The following ANKDD1B variants were observed in gnomAD, a reference collection of about 807,000 sequenced individuals.
ANKDD1B encodes ankyrin repeat and death domain containing 1B.
A neutral mutation model predicts 59.7 loss-of-function variants in ANKDD1B; 57 were observed. That is an observed-to-expected ratio of 0.95 (90% confidence interval 0.77 to 1.19). The LOEUF (loss-of-function observed/expected upper bound fraction) is 1.19. Among genes scored for constraint, ANKDD1B ranks in the 50% most tolerant of loss-of-function variants. The probability of loss-of-function intolerance (pLI) is 0.00; values close to 1 mark genes in which losing one functional copy is unlikely to be tolerated. For missense variants in ANKDD1B, 602 were observed against 641.9 expected (o/e 0.94, Z 0.67); for synonymous variants, 216 against 239.5 (o/e 0.90, Z 0.91).
At chr5:75,647,038 G>T in intron 7 of ANKDD1B, among the ~76,000 whole-genome samples, 1 of 24,236 alleles carries the variant, frequency 4.1e-5, no homozygotes, top group South Asian at 1.3e-3. Context: ...TGGGAAAACT[G>T]GCTAGCCATA....
intron 7 of ANKDD1B, among the ~76,000 whole-genome samples, chr5:75,641,024 A>G (rs1025727560): frequency 6.6e-6 from 1 of 152,198 alleles, no homozygotes. Flanking sequence ...CTTGGCTTAT[A>G]CAGAGAAGAC....
chr5:75,641,794 G>A (rs542762377), intron 7 of ANKDD1B, among the ~76,000 whole-genome samples: 5 of 152,194 alleles, frequency 3.3e-5, no homozygotes, highest in Admixed American at 6.5e-5. Flanking sequence ...ATAATCTTTC[G>A]AAAAGCAATT....
In ANKDD1B at chr5:75,629,755, G is replaced by C. The variant is rs1774099298; in HGVS notation, c.600+3800G>C. The stretch of plus-strand genomic sequence containing the variant: ...TTTGAGAACTAGCCTGGGAAGCATG[G>C]TGAAAACCTGCCTTTACAAAAAATA... On this transcript the variant is annotated intron_variant, in intron 5 of 13. Coordinates refer to ENST00000601380, the MANE Select transcript of ANKDD1B (RefSeq NM_001276713.2). Among the ~76,000 whole-genome samples, 3 of 151,870 alleles carry C rather than the reference G, an allele frequency of 2.0e-5. No individual in the cohort carries two copies. In the South Asian group the frequency reaches 6.2e-4, roughly 32 times the overall value.
intron 7 of ANKDD1B, among the ~76,000 whole-genome samples, chr5:75,649,940 C>A (rs1195578156): frequency 6.6e-6 from 1 of 152,162 alleles, no homozygotes; most frequent in Non-Finnish European, 1.5e-5. Context: ...CCAACATATC[C>A]CTCCACTATC....
chr5:75,618,040 C>T (rs909798826), intron 2 of ANKDD1B, among the ~76,000 whole-genome samples: 1 of 151,194 alleles, frequency 6.6e-6, no homozygotes, highest in Non-Finnish European at 1.5e-5. Context: ...ATATAGTGCT[C>T]ATGTTCCATA....
intron 10 of ANKDD1B, 121 bp downstream of exon 10, chr5:75,659,502 C>T (rs1474111337): frequency 4.4e-5 from 32 of 733,480 alleles, no homozygotes; most frequent in Non-Finnish European, 7.0e-6. Flanking sequence ...CTGGAGAAAC[C>T]ATGCATCTTC....
intron 7 of ANKDD1B, among the ~76,000 whole-genome samples, chr5:75,645,313 G>A (rs1232574379): frequency 9.2e-6 from 1 of 109,174 alleles, no homozygotes; most frequent in Non-Finnish European, 1.7e-5. Context: ...TCCAGGAGCT[G>A]GTTTTTTGAA....
intron 3 of ANKDD1B, 74 bp downstream of exon 3, chr5:75,620,487 A>T: frequency 2.5e-6 from 2 of 806,236 alleles, no homozygotes; most frequent in Non-Finnish European, 3.9e-6. Context: ...CCAGTTAGAC[A>T]TCTTTTCTTC....
At chr5:75,658,419 C>T (rs895671239) in intron 9 of ANKDD1B, among the ~76,000 whole-genome samples, 2 of 152,072 alleles carry the variant, frequency 1.3e-5, no homozygotes, top group Admixed American at 1.3e-4. Context: ...CATCTGCATT[C>T]CTTTTGGTGA....
chr5:75,635,747 C>A, intron 6 of ANKDD1B, 37 bp from the exon 7 acceptor site: 1 of 1,350,330 alleles, frequency 7.4e-7, no homozygotes, highest in Non-Finnish European at 1.0e-6. Context: ...GCTCTCCTGG[C>A]ACAGGGGTTT....
chr5:75,668,574 A>G (rs75620057), intron 12 of ANKDD1B, among the ~76,000 whole-genome samples: 8 of 152,300 alleles, frequency 5.3e-5, no homozygotes, highest in African/African-American at 1.7e-4. Flanking sequence ...CTTGCACAGC[A>G]TGTCTGCTCC....
intron 5 of ANKDD1B, 31 bp downstream of exon 5, chr5:75,625,986 A>T: frequency 7.2e-7 from 1 of 1,395,510 alleles, no homozygotes; most frequent in South Asian, 1.2e-5. Flanking sequence ...TAGGTCTTGC[A>T]TACACCCCTA....
rs184912404 is a variant in ANKDD1B at position 75,671,141 on chromosome 5, G to C, written c.*101G>C. On this transcript the variant is annotated 3_prime_UTR_variant, in exon 14 of 14. Coordinates refer to ENST00000601380, the MANE Select transcript of ANKDD1B (RefSeq NM_001276713.2). The stretch of plus-strand genomic sequence containing the variant: ...AGTAGCACTGATTTTCAACTATGAT[G>C]ATGGTGGTGACAGGGAACTCTAACA... The C allele has an allele frequency of 2.2e-6, 1 of 457,372 alleles. No homozygotes were observed. Among genetic ancestry groups the C allele is most frequent in the Non-Finnish European group, 3.5e-6 (1 of 281,846 alleles). 28.3% of individuals were successfully genotyped at this position (457,372 alleles called of 1,614,324 possible).
At chr5:75,669,181 G>C in intron 12 of ANKDD1B, 71 bp from the exon 13 acceptor site, 1 of 1,223,750 alleles carries the variant, frequency 8.2e-7, no homozygotes, top group Non-Finnish European at 1.0e-6. Context: ...AGTTTAGTTG[G>C]AACTGAGATC....
intron 5 of ANKDD1B, among the ~76,000 whole-genome samples, chr5:75,628,046 T>C (rs966209483): frequency 7.2e-5 from 11 of 152,212 alleles, no homozygotes; most frequent in Admixed American, 1.3e-4. Context: ...ATGAGTCCAC[T>C]GGGTCATCTA....
At chr5:75,611,851 GAA>G in intron 1 of ANKDD1B, 24 bp downstream of exon 1, 1 of 1,231,668 alleles carries the variant, frequency 8.1e-7, no homozygotes, top group Non-Finnish European at 1.0e-6. Flanking sequence ...CGAGGTCTCA[GAA>G]AATCAGGCTG....
chr5:75,665,040 C>T (rs948709203), intron 11 of ANKDD1B, among the ~76,000 whole-genome samples: 2 of 152,312 alleles, frequency 1.3e-5, no homozygotes, highest in African/African-American at 2.4e-5. Context: ...TTTCCTCTCT[C>T]ATATCCATTT....
At chr5:75,622,704 T>C (rs940810116) in intron 3 of ANKDD1B, among the ~76,000 whole-genome samples, 5 of 152,208 alleles carry the variant, frequency 3.3e-5, no homozygotes, top group African/African-American at 1.2e-4. Context: ...GAGGACAGGT[T>C]ATCAGTGACT....
At chr5:75,649,121 A>G (rs78427566) in intron 7 of ANKDD1B, among the ~76,000 whole-genome samples, 5,917 of 150,836 alleles carry the variant, frequency 0.039, 342 homozygotes, top group African/African-American at 0.13. Flanking sequence ...CTAAAAACTC[A>G]TTCCTGGAGG....
Sources: allele counts gnomAD v4.1 joint callset (sites outside exome capture counted in the v4.1 genomes callset), GRCh38; gene constraint gnomAD v4.1.1; transcripts MANE v1.5; gene names NCBI Gene and HGNC (gene_info 2026-07-23, HGNC 2026-07-21).